LRRC8B: variants seen among roughly 807,000 people sequenced by gnomAD.
The protein encoded by LRRC8B is leucine rich repeat containing 8 VRAC subunit B.
A neutral mutation model predicts 58.8 loss-of-function variants in LRRC8B; 23 were observed. The observed-to-expected ratio is 0.39, with a 90% CI of 0.28 to 0.55. LRRC8B has a LOEUF of 0.55. LRRC8B is among the 20% of genes least tolerant of loss of function. The probability of loss-of-function intolerance (pLI) is 0.62; values close to 1 mark genes in which losing one functional copy is unlikely to be tolerated. For synonymous variants in LRRC8B, 359 were observed against 374.1 expected, an observed-to-expected ratio of 0.96 and a Z score of 0.47; for missense variants, 694 against 936.0, an observed-to-expected ratio of 0.74 and a Z score of 3.37.
intron 1 of LRRC8B, among the ~76,000 whole-genome samples, chr1:89,533,308 C>G (rs1332609575): frequency 6.6e-6 from 1 of 152,212 alleles, no homozygotes; most frequent in Non-Finnish European, 1.5e-5. Flanking sequence ...CTGGCTTCTG[C>G]AGCTCTTCAG....
Position 89,525,426 on chromosome 1 carries a change from C to T in LRRC8B, c.-241+404C>T, listed in dbSNP as rs570618038. Among the ~76,000 whole-genome samples the T allele has an allele frequency of 4.6e-5, 7 of 152,326 alleles. No individual in the cohort carries two copies. In the South Asian group the frequency reaches 1.5e-3, roughly 32 times the overall value. On this transcript the variant is annotated intron_variant, in intron 1 of 5. Coordinates refer to ENST00000330947, the MANE Select transcript of LRRC8B (RefSeq NM_001369817.2). The stretch of plus-strand genomic sequence containing the variant: ...AGGCTGGCGTCTCGCTCCAGATGAG[C>T]GCAACTCCCCTGAGGGTGCCCCCAT...
Position 89,584,006 on chromosome 1 carries a change from G to A in LRRC8B, c.1356G>A (p.Glu452=), listed in dbSNP as rs773724476. 3 of 1,614,200 alleles carry A rather than the reference G, an allele frequency of 1.9e-6. No individual in the cohort carries two copies. In the East Asian group the frequency reaches 6.7e-5, roughly 36 times the overall value. Residue 452 remains glutamate (E), a synonymous_variant, in exon 5 of 6, where the codon GAG becomes GAA. Coordinates refer to ENST00000330947, the MANE Select transcript of LRRC8B (RefSeq NM_001369817.2). ...TGCTAAGCCTGGAGCTTATCCCAGA[G>A]GTGAAGCTGCCCTCTGCAGTCTCAC... ...MEVLSLELIP[E]VKLPSAVSQL... is the part of the protein sequence containing the mutation.
intron 1 of LRRC8B, among the ~76,000 whole-genome samples, chr1:89,532,963 T>A (rs1650250018): frequency 6.6e-6 from 1 of 152,206 alleles, no homozygotes; most frequent in African/African-American, 2.4e-5. Flanking sequence ...TTATTCTCCC[T>A]ACAGTCCTCT....
chr1:89,562,775 GC>G (rs943548025), intron 1 of LRRC8B, among the ~76,000 whole-genome samples: 42 of 152,172 alleles, frequency 2.8e-4, no homozygotes, highest in Admixed American at 2.4e-3. Context: ...TGACCATATT[GC>G]TATTTAGTAA....
chr1:89,572,130 GT>G (rs2101016738), intron 3 of LRRC8B, among the ~76,000 whole-genome samples: 1 of 152,222 alleles, frequency 6.6e-6, no homozygotes, highest in Admixed American at 6.5e-5. Context: ...GAAATTCTGG[GT>G]TAAAATTTCT....
intron 1 of LRRC8B, among the ~76,000 whole-genome samples, chr1:89,541,952 G>C (rs1432418639): frequency 6.6e-6 from 1 of 151,968 alleles, no homozygotes; most frequent in African/African-American, 2.4e-5. Context: ...CTGTTCTCTT[G>C]ATATAATGTA....
intron 1 of LRRC8B, among the ~76,000 whole-genome samples, chr1:89,557,420 A>G (rs1652276372): frequency 6.6e-6 from 1 of 152,222 alleles, no homozygotes; most frequent in African/African-American, 2.4e-5. Context: ...AGGTTTCTTT[A>G]TAAGAGTTCT....
In LRRC8B at chr1:89,577,992, A is replaced by G. The variant is rs1303590575; in HGVS notation, c.-124-1599A>G. On this transcript the variant is annotated intron_variant, in intron 3 of 5. Transcript: ENST00000330947. ...TGCATGAGGTTGGGATTTGAGTATG[A>G]GGACCTAAGTTCCAGTTGCAACTTT... Among the ~76,000 whole-genome samples, 27 of 152,324 alleles carry G rather than the reference A, an allele frequency of 1.8e-4. No homozygotes were observed. In the East Asian group the frequency reaches 5.0e-3, roughly 28 times the overall value.
In LRRC8B at chr1:89,569,295, AT is replaced by A. The variant is rs1180481857; in HGVS notation, c.-125+810del. Reference sequence around the variant, plus strand: ...TTCTGACTCTTTGAGTTAACTATAAATTTTTTTTAATTTTATAATTTCAACT... The same window carrying A: ...TTCTGACTCTTTGAGTTAACTATAAATTTTTTTAATTTTATAATTTCAACT... On this transcript the variant is annotated intron_variant, in intron 3 of 5. Transcript: ENST00000330947. 9.9e-5 allele frequency among the ~76,000 whole-genome samples: 15 copies of A among 152,142 alleles called. No individual in the cohort carries two copies. In the South Asian group the frequency reaches 1.9e-3, roughly 19 times the overall value.
chr1:89,558,415 A>G (rs1158759291), intron 1 of LRRC8B, among the ~76,000 whole-genome samples: 2 of 152,162 alleles, frequency 1.3e-5, no homozygotes, highest in Non-Finnish European at 2.9e-5. Context: ...ACAAAGCAAC[A>G]AGTCAAGAGG....
At chr1:89,530,305 G>A (rs1650024020) in intron 1 of LRRC8B, among the ~76,000 whole-genome samples, 1 of 151,956 alleles carries the variant, frequency 6.6e-6, no homozygotes, top group South Asian at 2.1e-4. Context: ...CTTGCAGTGA[G>A]CCGAGATTGT....
chr1:89,582,797 G>T lies in LRRC8B; in HGVS notation c.147G>T (p.Gln49His). 6.2e-7 allele frequency: 1 copy of T among 1,614,198 alleles called. No homozygotes were observed. Among genetic ancestry groups the T allele is most frequent in the Non-Finnish European group, 8.5e-7 (1 of 1,180,044 alleles). Residue 49 changes from glutamine (Q) to histidine (H), a missense_variant, in exon 5 of 6, where the codon CAG (glutamine) becomes CAT (histidine). Gln to His is a conservative substitution (Grantham distance 24). This residue lies in a region of LRRC8B where 316 missense variants were observed against 403.8 expected (regional missense o/e 0.78). Coordinates refer to ENST00000330947, the MANE Select transcript of LRRC8B (RefSeq NM_001369817.2). ...TGGCCGGAGCTCTCCAGCTGACGCA[G>T]AGCAGGGTTCTGTGCTGTCTTCCAT... ...AVLAGALQLT[Q>H]SRVLCCLPCK...
chr1:89,561,490 A>G (rs1238344942), intron 1 of LRRC8B, among the ~76,000 whole-genome samples: 1 of 111,372 alleles, frequency 9.0e-6, no homozygotes, highest in Non-Finnish European at 1.9e-5. Flanking sequence ...GGTAATGCCT[A>G]GGTTTTCTTC....
At chr1:89,541,666 C>G (rs371868266) in intron 1 of LRRC8B, among the ~76,000 whole-genome samples, 11 of 129,236 alleles carry the variant, frequency 8.5e-5, no homozygotes, top group South Asian at 7.7e-4. Flanking sequence ...AGCCGAGATC[C>G]CGCCACTGCA....
At position 89,582,980 on chromosome 1, in the gene LRRC8B, C is replaced by T. The variant is rs144109635; in HGVS notation, c.330C>T (p.Tyr110=). ...ACTCCTATATTGATGCCGTCTGTTA[C>T]GAGAAACAGCTCCATTGGTTTGCAA... ...QQYSYIDAVC[Y]EKQLHWFAKF... The change falls in exon 5 of 6, where the codon TAC becomes TAT. Residue 110 remains tyrosine (Y), a synonymous_variant. Coordinates refer to ENST00000330947, the MANE Select transcript of LRRC8B (RefSeq NM_001369817.2). 1.9e-5 allele frequency: 30 copies of T among 1,614,084 alleles called. No individual in the cohort carries two copies. Among genetic ancestry groups the T allele is most frequent in the Middle Eastern group, 1.6e-4 (1 of 6,084 alleles).
At chr1:89,562,150 A>AACACACACACACACACACACACACAC (rs59568247) in intron 1 of LRRC8B, among the ~76,000 whole-genome samples, 15 of 139,526 alleles carry the variant, frequency 1.1e-4, no homozygotes, top group Non-Finnish European at 1.9e-4. Context: ...CACCTCCCAA[A>AACACACACACACACACACACACACAC]ACACACACAC....
chr1:89,543,279 T>G (rs958059647), intron 1 of LRRC8B, among the ~76,000 whole-genome samples: 1 of 152,170 alleles, frequency 6.6e-6, no homozygotes, highest in African/African-American at 2.4e-5. Context: ...TCTTTTATGC[T>G]AATTGGTCAT....
intron 3 of LRRC8B, among the ~76,000 whole-genome samples, chr1:89,576,555 G>A (rs369593788): frequency 6.6e-6 from 1 of 152,180 alleles, no homozygotes; most frequent in East Asian, 1.9e-4. Context: ...TGGACCAGCA[G>A]CATCAACATG....
At chr1:89,536,493 T>A (rs1305572730) in intron 1 of LRRC8B, among the ~76,000 whole-genome samples, 1 of 152,190 alleles carries the variant, frequency 6.6e-6, no homozygotes, top group African/African-American at 2.4e-5. Flanking sequence ...AGAGTTTTCA[T>A]TCAATACATT....
Sources: gnomAD v4.1 joint callset for allele counts (sites outside exome capture counted in the v4.1 genomes callset) on GRCh38, gnomAD v4.1.1 for gene constraint, gnomAD v4.1.1 regional missense constraint, MANE v1.5 for transcripts, NCBI Gene and HGNC (gene_info 2026-07-23, HGNC 2026-07-21) for gene names.